The following NHS variants were observed in gnomAD, a reference collection of about 807,000 sequenced individuals.
NHS encodes the protein NHS actin remodeling regulator, also known as actin remodeling regulator NHS.
Under a neutral mutation model 72.5 loss-of-function variants are expected in NHS, and 5 were observed. The observed-to-expected ratio is 0.07, with a 90% CI of 0.04 to 0.14. The LOEUF is 0.14. Among genes scored for constraint, NHS ranks in the 10% least tolerant of loss-of-function variants. NHS has a pLI of 1.00. For missense variants in NHS, 1,072 were observed against 1,355.7 expected, an observed-to-expected ratio of 0.79 and a Z score of 3.29; for synonymous variants, 464 against 547.7, an observed-to-expected ratio of 0.85 and a Z score of 2.13.
chrX:17,569,339 CT>C (rs1290703236), intron 1 of NHS, among the ~76,000 whole-genome samples: 1 of 101,789 alleles, frequency 9.8e-6, no homozygotes, highest in Non-Finnish European at 1.9e-5. Context: ...TGTTTCCTGA[CT>C]TTTTAATGAT....
intron 3 of NHS, among the ~76,000 whole-genome samples, chrX:17,705,048 T>A (rs1220574043): frequency 8.9e-6 from 1 of 112,094 alleles, no homozygotes; most frequent in East Asian, 2.8e-4. Flanking sequence ...GATGGATATG[T>A]GGCGTCAGCA....
At chrX:17,610,112 A>G (rs1440445636) in intron 1 of NHS, among the ~76,000 whole-genome samples, 1 of 111,797 alleles carries the variant, frequency 8.9e-6, no homozygotes, top group Admixed American at 9.5e-5. Flanking sequence ...GGCTTTCCTT[A>G]TTTGTTACAC....
chrX:17,707,778 A>G lies in NHS; in HGVS notation c.853-11566A>G, dbSNP rs763791662. Among the ~76,000 whole-genome samples the G allele has an allele frequency of 4.5e-5, 5 of 110,627 alleles. No homozygotes were observed. In the East Asian group the frequency reaches 1.4e-3, roughly 32 times the overall value. Reference sequence around the variant, plus strand: ...CCAAGAGTACAAGAGTACTATAAAGACCTTCTCACTGCCTTGTTTTCTTTC... The same window carrying G: ...CCAAGAGTACAAGAGTACTATAAAGGCCTTCTCACTGCCTTGTTTTCTTTC... On this transcript the variant is annotated intron_variant, in intron 3 of 8. Transcript: ENST00000676302.
intron 1 of NHS, among the ~76,000 whole-genome samples, chrX:17,674,847 C>T (rs1401115587): frequency 2.7e-5 from 3 of 111,902 alleles, no homozygotes; most frequent in African/African-American, 9.8e-5. Context: ...CAAAGCAAGG[C>T]CAGCTCCTGC....
At chrX:17,565,579 C>T (rs981936833) in intron 1 of NHS, among the ~76,000 whole-genome samples, 1 of 112,154 alleles carries the variant, frequency 8.9e-6, no homozygotes, top group African/African-American at 3.2e-5. Context: ...GCTAGCATCT[C>T]ACTAGCTGAA....
intron 3 of NHS, among the ~76,000 whole-genome samples, chrX:17,711,618 C>A (rs2066329569): frequency 8.9e-6 from 1 of 111,756 alleles, no homozygotes; most frequent in Non-Finnish European, 1.9e-5. Flanking sequence ...TTTCAGAAAG[C>A]CTCTTTTTGG....
intron 1 of NHS, among the ~76,000 whole-genome samples, chrX:17,485,278 A>G (rs2064962920): frequency 8.9e-6 from 1 of 112,670 alleles, no homozygotes; most frequent in Non-Finnish European, 1.9e-5. Flanking sequence ...AACACTCACC[A>G]GTTCTTTTTA....
intron 1 of NHS, among the ~76,000 whole-genome samples, chrX:17,575,647 C>A (rs2065506406): frequency 8.9e-6 from 1 of 112,110 alleles, no homozygotes; most frequent in African/African-American, 3.2e-5. Flanking sequence ...TTTCTCTTTA[C>A]TTCCCCCACT....
chrX:17,652,650 C>T (rs1288668827), intron 1 of NHS, among the ~76,000 whole-genome samples: 4 of 111,364 alleles, frequency 3.6e-5, no homozygotes, highest in Non-Finnish European at 7.5e-5. Context: ...AGGTGGAATA[C>T]GTTCTAGTGG....
At chrX:17,506,988 A>G (rs1353611053) in intron 1 of NHS, among the ~76,000 whole-genome samples, 7 of 112,213 alleles carry the variant, frequency 6.2e-5, no homozygotes, top group South Asian at 3.7e-4. Flanking sequence ...TTAGATGACT[A>G]ATCTTGCTAA....
intron 1 of NHS, among the ~76,000 whole-genome samples, chrX:17,512,524 A>G (rs181999257): frequency 5.4e-5 from 6 of 111,693 alleles, no homozygotes; most frequent in Non-Finnish European, 1.9e-5. Flanking sequence ...TCTAAGGTGA[A>G]CTGAGGTAGC....
intron 3 of NHS, chrX:17,705,597 T>C (rs2066290716): frequency 8.8e-6 from 1 of 113,514 alleles, no homozygotes; most frequent in Non-Finnish European, 1.9e-5. Context: ...GTCAAGTGGT[T>C]CTGGTCCATT....
chrX:17,656,345 T>G (rs996059414), intron 1 of NHS, among the ~76,000 whole-genome samples: 2 of 113,304 alleles, frequency 1.8e-5, no homozygotes, highest in East Asian at 5.6e-4. Context: ...GCTCCGCGAC[T>G]CGCAGCCCAG....
At chrX:17,477,245 T>C (rs200103330) in intron 1 of NHS, among the ~76,000 whole-genome samples, 2 of 111,616 alleles carry the variant, frequency 1.8e-5, no homozygotes, top group East Asian at 5.6e-4. Context: ...CACGGAGAAG[T>C]GGATATGTGA....
At position 17,539,479 on chromosome X, in the gene NHS, C is replaced by T. The variant is rs189540983; in HGVS notation, c.566-148263C>T. Among the ~76,000 whole-genome samples the T allele has an allele frequency of 2.2e-3, 243 of 110,605 alleles. 3 individuals are homozygous for T. Among genetic ancestry groups the T allele is most frequent in the Non-Finnish European group, 4.0e-3 (214 of 52,954 alleles). ...TGGTTCACTGCTGTATCTCCAGTGC[C>T]TAGAATTGTGCCTGGCACATAGTAG... On this transcript the variant is annotated intron_variant, in intron 1 of 8. Transcript: ENST00000676302.
chrX:17,684,275 T>G (rs1023907549), intron 1 of NHS, among the ~76,000 whole-genome samples: 12 of 112,080 alleles, frequency 1.1e-4, no homozygotes, highest in Non-Finnish European at 2.3e-4. Flanking sequence ...AGTTTTCTAT[T>G]ATTATTTCTA....
intron 1 of NHS, among the ~76,000 whole-genome samples, chrX:17,412,761 A>T (rs1028843124): frequency 8.9e-6 from 1 of 112,815 alleles, no homozygotes. Flanking sequence ...CAATGTTTGC[A>T]TGCTGACTGA....
At chrX:17,604,228 T>TCACACACACA (rs59367930) in intron 1 of NHS, among the ~76,000 whole-genome samples, 1,421 of 92,244 alleles carry the variant, frequency 0.015, 36 homozygotes, top group African/African-American at 0.056. Context: ...TATTAATAGA[T>TCACACACACA]CACACACACA....
intron 1 of NHS, among the ~76,000 whole-genome samples, chrX:17,673,921 C>G (rs1467667311): frequency 3.6e-5 from 4 of 112,271 alleles, no homozygotes; most frequent in African/African-American, 1.3e-4. Flanking sequence ...CTTCCCTAAC[C>G]AGAGAGCATG....
Sources: gnomAD v4.1 joint callset for allele counts (sites outside exome capture counted in the v4.1 genomes callset) on GRCh38, gnomAD v4.1.1 for gene constraint, MANE v1.5 for transcripts, NCBI Gene and HGNC (gene_info 2026-07-23, HGNC 2026-07-21) for gene names.